Variants in IRS2 observed in about 807,000 individuals in gnomAD.
IRS2 encodes insulin receptor substrate 2.
In IRS2, 28 loss-of-function variants were observed where a neutral mutation model predicts 70.9. The observed-to-expected ratio is 0.39, with a 90% CI of 0.29 to 0.54. The LOEUF (loss-of-function observed/expected upper bound fraction) is 0.54. Ranked by LOEUF, IRS2 falls within the 20% of genes least tolerant of loss-of-function variation. The pLI is 0.59. For missense variants in IRS2, 2,081 were observed against 2,024.1 expected (o/e 1.03, Z -0.54); for synonymous variants, 1,217 against 981.9 (o/e 1.24, Z -4.48).
Position 109,782,915 on chromosome 13 carries a change from C to CG in IRS2, c.3138dup (p.Ala1047ArgfsTer25), listed in dbSNP as rs1877760959. ...CCCTGGGCGGTGGCAACGGCCGAGG[C>CG]GGGGGGCAGGCGGTACAGCTCCCCC... On this transcript the variant is annotated frameshift_variant, in exon 1 of 2. Coordinates refer to ENST00000375856, the MANE Select transcript of IRS2 (RefSeq NM_003749.3). LOFTEE classifies it high-confidence loss of function. 3 of 1,543,934 alleles carry CG rather than the reference C, an allele frequency of 1.9e-6. No homozygotes were observed. Among genetic ancestry groups the CG allele is most frequent in the Non-Finnish European group, 2.6e-6 (3 of 1,143,946 alleles).
intron 1 of IRS2, among the ~76,000 whole-genome samples, chr13:109,763,651 G>A (rs565193227): frequency 6.6e-6 from 1 of 152,320 alleles, no homozygotes; most frequent in South Asian, 2.1e-4. Flanking sequence ...GATATAAGGT[G>A]CATTAAAATC....
chr13:109,766,854 T>C (rs1877346662), intron 1 of IRS2, among the ~76,000 whole-genome samples: 1 of 152,258 alleles, frequency 6.6e-6, no homozygotes, highest in Admixed American at 6.5e-5. Flanking sequence ...ACTGAAACAG[T>C]GCACAAGTCA....
chr13:109,755,214 C>CTTTTTTTTTTTTTT lies in IRS2; in HGVS notation c.*1089_*1090insAAAAAAAAAAAAAA, dbSNP rs375324802. The CTTTTTTTTTTTTTT allele has an allele frequency of 4.8e-4, 94 of 193,898 alleles. No homozygotes were observed. Among genetic ancestry groups the CTTTTTTTTTTTTTT allele is most frequent in the African/African-American group, 9.7e-4 (40 of 41,028 alleles). 12.0% of individuals were successfully genotyped at this position (193,898 alleles called of 1,614,324 possible). On this transcript the variant is annotated 3_prime_UTR_variant, in exon 2 of 2. Transcript: ENST00000375856. ...CTCTTTTTATCAGTTTCTTTCTTTC[C>CTTTTTTTTTTTTTT]TTTTTTTTTTTTCTTTTTGTTTTTT... is the stretch of plus-strand genomic sequence containing the variant.
rs773077234 is a variant in IRS2, at chr13:109,784,411, G to A, written c.1643C>T (p.Pro548Leu). ...EFYGYMTMDR[P>L]LSHCGRSYRR... is the part of the protein sequence containing the mutation. ...GTAGGAGCGGCCACAGTGGCTCAGG[G>A]GCCTGTCCATGGTCATGTACCCGTA... is the stretch of plus-strand genomic sequence containing the variant. Residue 548 changes from proline to leucine, a missense_variant, in exon 1 of 2, where the codon CCC becomes CTC. Physicochemically the swap from Pro to Leu is moderately conservative, Grantham distance 98 (BLOSUM62 -3). This residue lies in a region of IRS2 where 1,615 missense variants were observed against 1,459.5 expected (regional missense o/e 1.11). Transcript: ENST00000375856. The surrounding 1 kb of genome is among the most constrained non-coding windows in gnomAD (Gnocchi z 5.2). The A allele has an allele frequency of 1.6e-5, 26 of 1,610,314 alleles. No individual in the cohort carries two copies. The highest frequency in any genetic ancestry group is 4.5e-5 in the East Asian group (2 of 44,830).
At position 109,786,015 on chromosome 13, in the gene IRS2, C is replaced by A; in HGVS notation, c.39G>T (p.Ala13=). The part of the protein sequence containing the change: ...SPPRHGPPGP[A]SGDGPNLNNN... ...TGTTGAGGTTGGGGCCGTCTCCGCT[C>A]GCCGGCCCGGGCGGCCCGTGCCGCG... The change falls in exon 1 of 2, where the codon GCG becomes GCT. Residue 13 remains alanine (A), a synonymous_variant. Coordinates refer to ENST00000375856, the MANE Select transcript of IRS2 (RefSeq NM_003749.3). This position sits in a 1 kb window ranked among gnomAD's most constrained non-coding sequence, Gnocchi z 4.4. 2 of 1,391,744 alleles carry A rather than the reference C, an allele frequency of 1.4e-6. No homozygotes were observed. Among genetic ancestry groups the A allele is most frequent in the South Asian group, 1.6e-5 (1 of 63,654 alleles). 86.2% of individuals were successfully genotyped at this position (1,391,744 alleles called of 1,614,324 possible).
In IRS2 at chr13:109,756,223, C is replaced by T. The variant is rs867272590; in HGVS notation, c.*81G>A. The T allele has an allele frequency of 3.3e-5, 40 of 1,222,676 alleles. 1 individual carries two copies. Among genetic ancestry groups the T allele is most frequent in the Admixed American group, 1.0e-4 (6 of 59,266 alleles). 75.7% of individuals were successfully genotyped at this position (1,222,676 alleles called of 1,614,324 possible). A position where few individuals can be genotyped will look rare whatever the true frequency, so the allele number is the denominator to read the frequency against. On this transcript the variant is annotated 3_prime_UTR_variant, in exon 2 of 2. Coordinates refer to ENST00000375856, the MANE Select transcript of IRS2 (RefSeq NM_003749.3). ...TCCAAAAGAAAACTGCAAGCAGCTT[C>T]GGGCTGAAACAGTGCTGAGCGTCTT...
intron 1 of IRS2, among the ~76,000 whole-genome samples, chr13:109,759,045 C>T (rs570373421): frequency 6.6e-6 from 1 of 152,276 alleles, no homozygotes; most frequent in Non-Finnish European, 1.5e-5. Context: ...AGACCAGAAA[C>T]AGGATGACCA....
rs867429224 is a variant in IRS2, at chr13:109,782,985, C to T, written c.3069G>A (p.Ala1023=). The T allele has an allele frequency of 1.5e-6, 2 of 1,377,248 alleles. No individual in the cohort carries two copies. The highest frequency in any genetic ancestry group is 1.9e-6 in the Non-Finnish European group (2 of 1,069,714). The allele number at this position is 1,377,248 out of a possible 1,614,324, so 85.3% of individuals were successfully genotyped here. ...GCGGCTGCAGAGACGACGACGGGGA[C>T]GCGGACGGACGCGGGGGCAACGGCG... ...PYPPLPPRPS[A]SPSSSLQPPP... Residue 1023 remains alanine (A), a synonymous_variant, in exon 1 of 2, where the codon GCG becomes GCA. Coordinates refer to ENST00000375856, the MANE Select transcript of IRS2 (RefSeq NM_003749.3).
Position 109,783,105 on chromosome 13 carries a change from G to T in IRS2, c.2949C>A (p.Phe983Leu). ...CCGGCTTAGGAGACTTGGGGGAGCT[G>T]AAGTCGAGGTTCATGTAGTCGGAGA... ...SPLSDYMNLD[F>L]SSPKSPKPGA... Residue 983 changes from phenylalanine to leucine, a missense_variant, in exon 1 of 2, where the codon TTC (phenylalanine) becomes TTA (leucine). By Grantham distance (22) the Phe-to-Leu change is conservative. Around this residue, in one of 4 missense-constraint regions of IRS2, gnomAD observed 1,615 missense variants for 1,459.5 expected, o/e 1.11. Transcript: ENST00000375856. 2 of 1,391,590 alleles carry T rather than the reference G, an allele frequency of 1.4e-6. No individual in the cohort carries two copies. Among genetic ancestry groups the T allele is most frequent in the Non-Finnish European group, 9.3e-7 (1 of 1,079,706 alleles). The allele number at this position is 1,391,590 out of a possible 1,614,324, so 86.2% of individuals were successfully genotyped here.
intron 1 of IRS2, among the ~76,000 whole-genome samples, chr13:109,768,954 C>A (rs549293902): frequency 2.6e-5 from 4 of 152,260 alleles, no homozygotes; most frequent in East Asian, 3.9e-4. Flanking sequence ...GGATTCAATA[C>A]CATTTTTAAA....
At chr13:109,775,707 TATC>T (rs145831236) in intron 1 of IRS2, among the ~76,000 whole-genome samples, 2,197 of 149,878 alleles carry the variant, frequency 0.015, 65 homozygotes, top group African/African-American at 0.051. Context: ...TGGAGAAAAA[TATC>T]ATATCCAGCC....
chr13:109,782,642 C>T lies in IRS2; in HGVS notation c.3412G>A (p.Ala1138Thr), dbSNP rs1877746144. The part of the protein sequence containing the change: ...DPHRGAKVIR[A>T]DPQGGRRRHS... ...CGGCGGCGGCCCCCCTGCGGGTCTG[C>T]GCGGATGACCTTGGCGCCGCGGTGG... Residue 1138 changes from alanine (A) to threonine (T), a missense_variant, in exon 1 of 2, where the codon GCA becomes ACA. Physicochemically the swap from Ala to Thr is moderately conservative, Grantham distance 58. Around this residue, in one of 4 missense-constraint regions of IRS2, gnomAD observed 1,615 missense variants for 1,459.5 expected, o/e 1.11. Transcript: ENST00000375856. 6.4e-7 allele frequency: 1 copy of T among 1,570,442 alleles called. No homozygotes were observed. Among genetic ancestry groups the T allele is most frequent in the African/African-American group, 1.4e-5 (1 of 73,922 alleles).
Position 109,785,797 on chromosome 13 carries a change from G to T in IRS2, c.257C>A (p.Ala86Glu). ...AGCGATCACCCGTTTCGGCGCGCCT[G>T]CCTTGCTCCGCCACTTTTTCTCGCT... ...YESEKKWRSK[A>E]GAPKRVIALD... is the part of the protein sequence containing the mutation. Residue 86 changes from alanine to glutamate, a missense_variant, in exon 1 of 2, where the codon GCA (alanine) becomes GAA (glutamate). By Grantham distance (107) the Ala-to-Glu change is moderately radical. Transcript: ENST00000375856. The surrounding 1 kb of genome is among the most constrained non-coding windows in gnomAD (Gnocchi z 9.3). 1.9e-6 allele frequency: 3 copies of T among 1,571,150 alleles called. No individual in the cohort carries two copies. The highest frequency in any genetic ancestry group is 2.6e-6 in the Non-Finnish European group (3 of 1,165,944).
In IRS2 at chr13:109,786,120, CGCGGGCGGGG is replaced by C; in HGVS notation, c.-77_-68del. On this transcript the variant is annotated 5_prime_UTR_variant, in exon 1 of 2. Transcript: ENST00000375856. This position sits in a 1 kb window ranked among gnomAD's most constrained non-coding sequence, Gnocchi z 4.4. ...GGGTTGGGGCGAGGGGCGGAGGGGG[CGCGGGCGGGG>C]GCGGCTCCCTCCCACCCTTGCGCCC... 1 of 913,386 alleles carries C rather than the reference CGCGGGCGGGG, an allele frequency of 1.1e-6. No homozygotes were observed. Among genetic ancestry groups the C allele is most frequent in the Non-Finnish European group, 1.3e-6 (1 of 766,538 alleles). The allele number at this position is 913,386 out of a possible 1,614,324, so 56.6% of individuals were successfully genotyped here.
rs1877861248 is a variant in IRS2, at chr13:109,784,766, A to G, written c.1288T>C (p.Ser430Pro). The G allele has an allele frequency of 8.0e-7, 1 of 1,251,274 alleles. No homozygotes were observed. 77.5% of individuals were successfully genotyped at this position (1,251,274 alleles called of 1,614,324 possible). ...PAGGALQHSR[S>P]MSMPVAHSPP... ...GAGTGCGCCACGGGCATGGACATGG[A>G]GCGGCTGTGTTGCAGCGCGCCCCCT... The change falls in exon 1 of 2, where the codon TCC becomes CCC. Residue 430 changes from serine to proline, a missense_variant. Transcript: ENST00000375856. This position sits in a 1 kb window ranked among gnomAD's most constrained non-coding sequence, Gnocchi z 5.2.
In IRS2 at chr13:109,755,214, C is replaced by CTTTTTTTTTTTTTTCTTTTTTTTT. The variant is rs375324802; in HGVS notation, c.*1089_*1090insAAAAAAAAAGAAAAAAAAAAAAAA. On this transcript the variant is annotated 3_prime_UTR_variant, in exon 2 of 2. Coordinates refer to ENST00000375856, the MANE Select transcript of IRS2 (RefSeq NM_003749.3). ...CTCTTTTTATCAGTTTCTTTCTTTC[C>CTTTTTTTTTTTTTTCTTTTTTTTT]TTTTTTTTTTTTCTTTTTGTTTTTT... 5.2e-6 allele frequency: 1 copy of CTTTTTTTTTTTTTTCTTTTTTTTT among 194,040 alleles called. No individual in the cohort carries two copies. The highest frequency in any genetic ancestry group is 2.4e-5 in the African/African-American group (1 of 41,072). 12.0% of individuals were successfully genotyped at this position (194,040 alleles called of 1,614,324 possible). A position where few individuals can be genotyped will look rare whatever the true frequency, so the allele number is the denominator to read the frequency against.
rs2138939394 is a variant in IRS2, at chr13:109,785,851, G to A, written c.203C>T (p.Pro68Leu). Residue 68 changes from proline to leucine, a missense_variant, in exon 1 of 2, where the codon CCG becomes CTG. Transcript: ENST00000375856. This position sits in a 1 kb window ranked among gnomAD's most constrained non-coding sequence, Gnocchi z 9.3. Reference sequence around the variant, plus strand: ...GTAGTACTCGAGCCGCGGCGGTTGCGGCGCCGACCCCCCGCCCGCCGTCGC... The same window carrying A: ...GTAGTACTCGAGCCGCGGCGGTTGCAGCGCCGACCCCCCGCCCGCCGTCGC... ...DEATAGGGSA[P>L]QPPRLEYYES... is the part of the protein sequence containing the mutation. The A allele has an allele frequency of 1.3e-6, 2 of 1,520,890 alleles. No individual in the cohort carries two copies. Among genetic ancestry groups the A allele is most frequent in the African/African-American group, 1.4e-5 (1 of 71,374 alleles). The allele number at this position is 1,520,890 out of a possible 1,614,324, so 94.2% of individuals were successfully genotyped here.
In IRS2 at chr13:109,784,969, C is replaced by T; in HGVS notation, c.1085G>A (p.Arg362His). 2 of 1,221,514 alleles carry T rather than the reference C, an allele frequency of 1.6e-6. No homozygotes were observed. The highest frequency in any genetic ancestry group is 2.0e-6 in the Non-Finnish European group (2 of 981,168). The allele number at this position is 1,221,514 out of a possible 1,614,324, so 75.7% of individuals were successfully genotyped here. A position where few individuals can be genotyped will look rare whatever the true frequency, so the allele number is the denominator to read the frequency against. The change falls in exon 1 of 2, where the codon CGC (arginine) becomes CAC (histidine). Residue 362 changes from arginine (R) to histidine (H), a missense_variant. By Grantham distance (29) the Arg-to-His change is conservative. Coordinates refer to ENST00000375856, the MANE Select transcript of IRS2 (RefSeq NM_003749.3). The surrounding 1 kb of genome is among the most constrained non-coding windows in gnomAD (Gnocchi z 5.2). ...GCCGCCGTCGCCCTCGCTGGCGGTG[C>T]GCACCCGGCACGAGCTGCACTTGGC... is the stretch of plus-strand genomic sequence containing the variant. ...PAAKCSSCRV[R>H]TASEGDGGAA...
intron 1 of IRS2, among the ~76,000 whole-genome samples, chr13:109,781,638 G>A (rs1334098557): frequency 6.6e-6 from 1 of 152,190 alleles, no homozygotes; most frequent in Non-Finnish European, 1.5e-5. Flanking sequence ...GCTGAGGGCA[G>A]CGGTCCGGAC....
Sources: gnomAD v4.1 joint callset for allele counts (sites outside exome capture counted in the v4.1 genomes callset) on GRCh38, gnomAD v4.1.1 for gene constraint, gnomAD v4.1.1 regional missense constraint, Gnocchi (gnomAD v3.1) non-coding constraint, MANE v1.5 for transcripts, NCBI Gene and HGNC (gene_info 2026-07-23, HGNC 2026-07-21) for gene names.